Variants in AGBL1 observed in about 807,000 individuals in gnomAD.
AGBL1 encodes the protein AGBL carboxypeptidase 1, also known as cytosolic carboxypeptidase 4.
AGBL1 carries 130 observed loss-of-function variants against 118.9 expected under a neutral mutation model. The observed-to-expected ratio is 1.09, with a 90% CI of 0.95 to 1.26. The LOEUF (loss-of-function observed/expected upper bound fraction) is 1.26, where lower values mean the gene tolerates loss of function less well. Among genes scored for constraint, AGBL1 ranks in the 50% most tolerant of loss-of-function variants. The pLI, the probability that AGBL1 is intolerant of heterozygous loss-of-function variation, is 0.00. For missense variants in AGBL1, 1,584 were observed against 1,298.1 expected (o/e 1.22, Z -3.38); for synonymous variants, 555 against 478.9 (o/e 1.16, Z -2.08).
At chr15:86,369,654 C>T (rs907211235) in intron 17 of AGBL1, among the ~76,000 whole-genome samples, 1 of 152,038 alleles carries the variant, frequency 6.6e-6, no homozygotes, top group African/African-American at 2.4e-5. Flanking sequence ...AATCGATCTC[C>T]ATCTCTGCTA....
At chr15:86,519,532 T>G (rs1218796013) in intron 18 of AGBL1, among the ~76,000 whole-genome samples, 1 of 152,168 alleles carries the variant, frequency 6.6e-6, no homozygotes, top group African/African-American at 2.4e-5. Flanking sequence ...GCCAAATGGA[T>G]TCAGAGATCA....
chr15:86,836,163 G>A (rs1007669758), intron 22 of AGBL1, among the ~76,000 whole-genome samples: 13 of 152,152 alleles, frequency 8.5e-5, no homozygotes, highest in African/African-American at 1.4e-4. Flanking sequence ...CTGGAAATTG[G>A]TACTGGATGA....
chr15:86,848,113 G>C (rs543034699), intron 22 of AGBL1, among the ~76,000 whole-genome samples: 3 of 152,038 alleles, frequency 2.0e-5, no homozygotes, highest in Non-Finnish European at 4.4e-5. Flanking sequence ...GACCCACTCT[G>C]TTAGAACTAT....
chr15:86,423,929 A>G (rs771167097), intron 18 of AGBL1, among the ~76,000 whole-genome samples: 1 of 152,226 alleles, frequency 6.6e-6, no homozygotes, highest in Non-Finnish European at 1.5e-5. Context: ...GATAGAAAGA[A>G]CCAATATAGA....
At chr15:86,463,417 T>G (rs1327459230) in intron 18 of AGBL1, among the ~76,000 whole-genome samples, 4 of 152,200 alleles carry the variant, frequency 2.6e-5, no homozygotes, top group African/African-American at 7.2e-5. Context: ...ATAGTTTCTT[T>G]TGCTGTGCAG....
intron 21 of AGBL1, among the ~76,000 whole-genome samples, chr15:86,565,815 C>G (rs1479887539): frequency 1.3e-5 from 2 of 152,216 alleles, no homozygotes; most frequent in Non-Finnish European, 2.9e-5. Context: ...TTTACCTACT[C>G]AAGCCTCAGC....
At chr15:86,380,868 C>T (rs984773102) in intron 17 of AGBL1, among the ~76,000 whole-genome samples, 9 of 152,086 alleles carry the variant, frequency 5.9e-5, no homozygotes, top group Admixed American at 4.6e-4. Context: ...TTAATGCCTG[C>T]CTTATTCTCA....
chr15:87,025,575 A>G (rs1282146138), intron 24 of AGBL1, among the ~76,000 whole-genome samples: 9 of 152,052 alleles, frequency 5.9e-5, no homozygotes, highest in Non-Finnish European at 1.0e-4. Flanking sequence ...CGTTACTACC[A>G]AAAGCGATCT....
chr15:86,556,734 A>G (rs964553781), intron 21 of AGBL1, among the ~76,000 whole-genome samples: 2 of 152,218 alleles, frequency 1.3e-5, no homozygotes, highest in African/African-American at 4.8e-5. Flanking sequence ...GAGTCTTGAG[A>G]TTATTATTCT....
chr15:86,355,283 C>T (rs1264457295), intron 17 of AGBL1, among the ~76,000 whole-genome samples: 1 of 152,116 alleles, frequency 6.6e-6, no homozygotes, highest in Non-Finnish European at 1.5e-5. Context: ...GGAACATACG[C>T]AGATATTTCA....
intron 22 of AGBL1, among the ~76,000 whole-genome samples, chr15:86,893,558 ACT>A (rs990389077): frequency 5.9e-5 from 9 of 152,096 alleles, no homozygotes; most frequent in African/African-American, 1.2e-4. Flanking sequence ...AAACAAAGAA[ACT>A]CTATCACATC....
intron 17 of AGBL1, among the ~76,000 whole-genome samples, chr15:86,391,154 G>A (rs1159978492): frequency 6.6e-6 from 1 of 151,964 alleles, no homozygotes; most frequent in African/African-American, 2.4e-5. Context: ...TTACAACACT[G>A]TATACATGTG....
intron 18 of AGBL1, among the ~76,000 whole-genome samples, chr15:86,468,002 T>G (rs2082428613): frequency 6.6e-6 from 1 of 152,140 alleles, no homozygotes; most frequent in African/African-American, 2.4e-5. Flanking sequence ...TTTATTTTCT[T>G]TTACTAGCAT....
intron 23 of AGBL1, among the ~76,000 whole-genome samples, chr15:86,922,229 T>C (rs957987373): frequency 2.6e-5 from 4 of 152,196 alleles, no homozygotes; most frequent in Admixed American, 2.6e-4. Flanking sequence ...ACAGAGCAAC[T>C]TCACCAATAA....
intron 22 of AGBL1, among the ~76,000 whole-genome samples, chr15:86,752,662 T>C (rs2077872872): frequency 2.0e-5 from 3 of 152,072 alleles, no homozygotes; most frequent in Admixed American, 1.3e-4. Context: ...TTTACTGTTA[T>C]CTATATTTTT....
Position 86,295,395 on chromosome 15 carries a change from T to A in AGBL1, c.2361T>A (p.His787Gln). ...TAMPESNSDE[H>Q]LEQFRHRPYQ... ...TGCCTGAGTCCAACAGTGATGAGCATCTAGAGCAGTTCCGTGAGTAAAATG... is the reference window on the plus strand; with the variant it reads ...TGCCTGAGTCCAACAGTGATGAGCAACTAGAGCAGTTCCGTGAGTAAAATG... Residue 787 changes from histidine (H) to glutamine (Q), a missense_variant, in exon 17 of 23, where the codon CAT (histidine) becomes CAA (glutamine). By Grantham distance (24) the His-to-Gln change is conservative (BLOSUM62 0). Coordinates refer to ENST00000614907, the MANE Select transcript of AGBL1 (RefSeq NM_001386094.1). 1 of 1,581,432 alleles carries A rather than the reference T, an allele frequency of 6.3e-7. No homozygotes were observed. The highest frequency in any genetic ancestry group is 8.6e-7 in the Non-Finnish European group (1 of 1,165,648).
chr15:86,809,129 C>T (rs115390992), intron 22 of AGBL1, among the ~76,000 whole-genome samples: 107 of 152,234 alleles, frequency 7.0e-4, no homozygotes, highest in African/African-American at 2.5e-3. Context: ...AACAGACTTG[C>T]CTAAAGTCAC....
chr15:86,513,112 A>G (rs931212237), intron 18 of AGBL1, among the ~76,000 whole-genome samples: 1 of 152,004 alleles, frequency 6.6e-6, no homozygotes, highest in African/African-American at 2.4e-5. Flanking sequence ...TAACATTAAT[A>G]TACTAGTATT....
At chr15:86,676,695 T>G (rs2085855266) in intron 22 of AGBL1, among the ~76,000 whole-genome samples, 1 of 152,140 alleles carries the variant, frequency 6.6e-6, no homozygotes, top group Non-Finnish European at 1.5e-5. Context: ...CCTCTTTCTT[T>G]GACATAACAG....
Sources: gnomAD v4.1 joint callset for allele counts (sites outside exome capture counted in the v4.1 genomes callset) on GRCh38, gnomAD v4.1.1 for gene constraint, MANE v1.5 for transcripts, NCBI Gene and HGNC (gene_info 2026-07-23, HGNC 2026-07-21) for gene names.